The following MED13 variants were observed in gnomAD, a reference collection of about 807,000 sequenced individuals.
The protein encoded by MED13 is mediator complex subunit 13.
In MED13, 23 loss-of-function variants were observed where a neutral mutation model predicts 225.2. The observed-to-expected ratio is 0.10, with a 90% CI of 0.07 to 0.14. MED13 has a LOEUF of 0.14. MED13 is among the 10% of genes least tolerant of loss of function. The pLI, the probability that MED13 is intolerant of heterozygous loss-of-function variation, is 1.00. For missense variants in MED13, 2,197 were observed against 2,594.5 expected, an observed-to-expected ratio of 0.85 and a Z score of 3.33; for synonymous variants, 942 against 889.2, an observed-to-expected ratio of 1.06 and a Z score of -1.06.
chr17:61,979,696 TCTG>T (rs2080186920), intron 16 of MED13, among the ~76,000 whole-genome samples: 1 of 152,204 alleles, frequency 6.6e-6, no homozygotes, highest in African/African-American at 2.4e-5. Flanking sequence ...ATGCAATTTC[TCTG>T]CTATTTACAG....
At chr17:62,018,982 C>T (rs1315504353) in intron 8 of MED13, among the ~76,000 whole-genome samples, 1 of 152,180 alleles carries the variant, frequency 6.6e-6, no homozygotes. Flanking sequence ...TGAAGTACAA[C>T]CACTGACAGG....
chr17:62,036,457 AGAG>A (rs1382603824), intron 3 of MED13, among the ~76,000 whole-genome samples: 1 of 152,178 alleles, frequency 6.6e-6, no homozygotes, highest in Non-Finnish European at 1.5e-5. Context: ...CAAGTTGCGC[AGAG>A]GAGGATAAGA....
intron 3 of MED13, among the ~76,000 whole-genome samples, chr17:62,038,415 G>A (rs2143703371): frequency 6.6e-6 from 1 of 151,634 alleles, no homozygotes; most frequent in African/African-American, 2.4e-5. Flanking sequence ...TTTTTCTCAT[G>A]ACAAAGCATT....
intron 6 of MED13, 79 bp from the exon 7 acceptor site, chr17:62,030,092 T>C (rs1242588820): frequency 8.0e-7 from 1 of 1,245,004 alleles, no homozygotes; most frequent in Non-Finnish European, 1.1e-6. Flanking sequence ...TTTTATTAAT[T>C]TGTGATACAA....
chr17:62,012,126 G>A (rs1309487312), intron 8 of MED13, among the ~76,000 whole-genome samples: 2 of 151,458 alleles, frequency 1.3e-5, no homozygotes, highest in African/African-American at 4.9e-5. Flanking sequence ...TGAGGCAGGA[G>A]AATAGCTTGA....
intron 10 of MED13, among the ~76,000 whole-genome samples, chr17:61,994,188 G>C (rs1302831571): frequency 6.6e-6 from 1 of 151,908 alleles, no homozygotes; most frequent in African/African-American, 2.4e-5. Context: ...TAGTAGAGAT[G>C]GGGTTTCACC....
At chr17:62,023,358 A>G (rs1406577048) in intron 8 of MED13, among the ~76,000 whole-genome samples, 1 of 152,192 alleles carries the variant, frequency 6.6e-6, no homozygotes, top group African/African-American at 2.4e-5. Context: ...GACTAGTAAT[A>G]GCAGGGAGCT....
intron 1 of MED13, 36 bp from the exon 2 acceptor site, chr17:62,063,337 T>C (rs774522027): frequency 7.1e-7 from 1 of 1,410,626 alleles, no homozygotes; most frequent in South Asian, 1.2e-5. Context: ...TATTACTGCA[T>C]ATTCACTCAA....
intron 14 of MED13, 139 bp downstream of exon 14, chr17:61,984,512 A>C: frequency 1.1e-6 from 1 of 936,302 alleles, no homozygotes; most frequent in Non-Finnish European, 1.6e-6. Flanking sequence ...ATGCATTCTT[A>C]ATAGTGACAA....
In MED13 at chr17:62,041,743, A is replaced by G. The variant is rs181424953; in HGVS notation, c.471-6135T>C. Among the ~76,000 whole-genome samples, 299 of 152,156 alleles carry G rather than the reference A, an allele frequency of 2.0e-3. 3 individuals carry two copies. The highest frequency in any genetic ancestry group is 0.014 in the Middle Eastern group (4 of 294). Reference sequence around the variant, plus strand: ...CAGGTGTGAGCCACTATGTCCAGATAATTTTTAGAATTTATTTTTTGTAGA... The same window carrying G: ...CAGGTGTGAGCCACTATGTCCAGATGATTTTTAGAATTTATTTTTTGTAGA... On this transcript the variant is annotated intron_variant, in intron 3 of 29. Coordinates refer to ENST00000397786, the MANE Select transcript of MED13 (RefSeq NM_005121.3).
In MED13 at chr17:61,966,121, T is replaced by C. The variant is rs73334669; in HGVS notation, c.4381+341A>G. 5.8e-3 allele frequency among the ~76,000 whole-genome samples: 884 copies of C among 152,362 alleles called. 8 individuals carry two copies. Among genetic ancestry groups the C allele is most frequent in the African/African-American group, 0.02 (834 of 41,574 alleles). On this transcript the variant is annotated intron_variant, in intron 19 of 29. Transcript: ENST00000397786. Reference sequence around the variant, plus strand: ...ACTATAAATTATTTTATCTCTAAACTGTAACAAATGAAGAATCTTCAAGTT... The same window carrying C: ...ACTATAAATTATTTTATCTCTAAACCGTAACAAATGAAGAATCTTCAAGTT...
intron 8 of MED13, among the ~76,000 whole-genome samples, chr17:62,012,489 C>T (rs572900165): frequency 5.1e-4 from 78 of 151,570 alleles, no homozygotes; most frequent in African/African-American, 1.8e-3. Flanking sequence ...GGCCACCATG[C>T]CCGGCTAATT....
chr17:61,983,839 G>A (rs2080225751), intron 15 of MED13, among the ~76,000 whole-genome samples: 1 of 147,626 alleles, frequency 6.8e-6, no homozygotes, highest in Non-Finnish European at 1.5e-5. Flanking sequence ...AGCCATTCTT[G>A]TGCCTCAGCC....
At chr17:61,991,366 G>A (rs748165404) in intron 11 of MED13, among the ~76,000 whole-genome samples, 4 of 151,704 alleles carry the variant, frequency 2.6e-5, no homozygotes, top group Non-Finnish European at 5.9e-5. Flanking sequence ...TGATCCACCT[G>A]CCTCGGCCTT....
intron 3 of MED13, among the ~76,000 whole-genome samples, chr17:62,047,808 CTCTCAAACTCCTGG>C (rs1276226751): frequency 6.6e-6 from 1 of 151,638 alleles, no homozygotes; most frequent in Non-Finnish European, 1.5e-5. Context: ...TCCCAGGCTG[CTCTCAAACTCCTGG>C]TCTCAAGCCA....
At chr17:61,972,913 G>C (rs1249587070) in intron 16 of MED13, 25 bp from the exon 17 acceptor site, 5 of 1,561,602 alleles carry the variant, frequency 3.2e-6, no homozygotes, top group Non-Finnish European at 4.3e-6. Context: ...AAAAAAACAA[G>C]TAATTAAGAA....
intron 9 of MED13, among the ~76,000 whole-genome samples, chr17:62,003,251 T>G (rs1455774764): frequency 6.6e-6 from 1 of 152,188 alleles, no homozygotes; most frequent in Non-Finnish European, 1.5e-5. Flanking sequence ...TGGTTCACCT[T>G]CTGGATATTT....
chr17:62,050,306 C>A (rs1413166917), intron 3 of MED13, among the ~76,000 whole-genome samples: 1 of 149,062 alleles, frequency 6.7e-6, no homozygotes, highest in East Asian at 2.0e-4. Context: ...TGCAGTGAGC[C>A]GAGATCATAC....
chr17:61,960,939 A>C lies in MED13; in HGVS notation c.5408T>G (p.Ile1803Ser). The C allele has an allele frequency of 6.2e-7, 1 of 1,613,910 alleles. No individual in the cohort carries two copies. The highest frequency in any genetic ancestry group is 8.5e-7 in the Non-Finnish European group (1 of 1,179,944). Residue 1803 changes from isoleucine (I) to serine (S), a missense_variant, in exon 23 of 30, where the codon ATT (isoleucine) becomes AGT (serine). Physicochemically the swap from Ile to Ser is moderately radical, Grantham distance 142. This residue lies in a region of MED13 where 78 missense variants were observed against 82.1 expected (regional missense o/e 0.95). Coordinates refer to ENST00000397786, the MANE Select transcript of MED13 (RefSeq NM_005121.3). ...ATATAGATCTGTGCAAGATGCAAGA[A>C]TCCACCTTTGATCATGTGATAAACA... ...GYCLSHDQRWILASCTDLYGE... is the reference protein window; with the variant it reads ...GYCLSHDQRWSLASCTDLYGE...
Sources: allele counts gnomAD v4.1 joint callset (sites outside exome capture counted in the v4.1 genomes callset), GRCh38; gene constraint gnomAD v4.1.1; regional missense constraint gnomAD v4.1.1; transcripts MANE v1.5; gene names NCBI Gene and HGNC (gene_info 2026-07-23, HGNC 2026-07-21).